Variants in CCDC60 observed in about 807,000 individuals in gnomAD.
CCDC60 encodes the protein coiled-coil domain containing 60, also known as coiled-coil domain-containing protein 60.
CCDC60 carries 54 observed loss-of-function variants against 63.5 expected under a neutral mutation model. The ratio of observed to expected loss-of-function variants is 0.85; its 90% CI spans 0.68 to 1.07. The LOEUF (loss-of-function observed/expected upper bound fraction) is 1.07. CCDC60 is among the 50% of genes least tolerant of loss of function. The probability of loss-of-function intolerance (pLI) is 0.00; values close to 1 mark genes in which losing one functional copy is unlikely to be tolerated. For missense variants in CCDC60, 651 were observed against 684.3 expected (o/e 0.95, Z 0.54); for synonymous variants, 206 against 238.8 (o/e 0.86, Z 1.27).
At chr12:119,402,411 C>G (rs1180755046) in intron 1 of CCDC60, 2 of 152,194 alleles carry the variant, frequency 1.3e-5, no homozygotes, top group African/African-American at 4.8e-5. Flanking sequence ...TCCAGCTTCT[C>G]TGAGTCTTAG....
intron 1 of CCDC60, among the ~76,000 whole-genome samples, chr12:119,349,255 T>C (rs1201906076): frequency 1.3e-5 from 2 of 151,552 alleles, no homozygotes; most frequent in Non-Finnish European, 2.9e-5. Context: ...CTTTGGGGGA[T>C]AGAAAAAACA....
At chr12:119,527,097 G>A (rs1952698856) in intron 11 of CCDC60, among the ~76,000 whole-genome samples, 1 of 152,164 alleles carries the variant, frequency 6.6e-6, no homozygotes, top group Non-Finnish European at 1.5e-5. Flanking sequence ...AAAAGAATGA[G>A]ATCATGTATT....
At chr12:119,459,713 T>C (rs1166749568) in intron 2 of CCDC60, among the ~76,000 whole-genome samples, 1 of 152,180 alleles carries the variant, frequency 6.6e-6, no homozygotes, top group Non-Finnish European at 1.5e-5. Context: ...TCATCTGGTC[T>C]TGTGCCCCCC....
intron 8 of CCDC60, among the ~76,000 whole-genome samples, chr12:119,519,268 C>T (rs1035881447): frequency 7.2e-5 from 11 of 152,202 alleles, no homozygotes; most frequent in Admixed American, 1.3e-4. Context: ...TCTGAAAATA[C>T]AGCTTTTCTT....
intron 1 of CCDC60, among the ~76,000 whole-genome samples, chr12:119,376,592 C>T (rs1189641763): frequency 6.6e-6 from 1 of 152,120 alleles, no homozygotes; most frequent in African/African-American, 2.4e-5. Flanking sequence ...TGAGTCACAG[C>T]ACTCCAGGCT....
At chr12:119,352,899 C>T (rs1027742320) in intron 1 of CCDC60, among the ~76,000 whole-genome samples, 9 of 152,058 alleles carry the variant, frequency 5.9e-5, no homozygotes, top group African/African-American at 2.2e-4. Context: ...AAGATTGTGC[C>T]ACTGTACTCC....
At chr12:119,526,203 T>G (rs1952671640) in intron 11 of CCDC60, among the ~76,000 whole-genome samples, 1 of 152,188 alleles carries the variant, frequency 6.6e-6, no homozygotes, top group African/African-American at 2.4e-5. Context: ...GATAACTGGC[T>G]AGCCATATGC....
intron 3 of CCDC60, among the ~76,000 whole-genome samples, chr12:119,476,819 C>T (rs1354352516): frequency 3.9e-5 from 6 of 152,154 alleles, no homozygotes; most frequent in Admixed American, 6.5e-5. Context: ...ATGACATGGC[C>T]TCCTCTACAG....
chr12:119,480,746 T>A (rs1395695864), intron 4 of CCDC60, among the ~76,000 whole-genome samples: 1 of 144,852 alleles, frequency 6.9e-6, no homozygotes, highest in African/African-American at 2.6e-5. Context: ...ATCATCACCA[T>A]CATCCTCACC....
chr12:119,390,427 C>T (rs1956136400), intron 1 of CCDC60, among the ~76,000 whole-genome samples: 1 of 152,354 alleles, frequency 6.6e-6, no homozygotes, highest in South Asian at 2.1e-4. Flanking sequence ...CCATTCTATA[C>T]ATCACATCTC....
chr12:119,346,455 A>G (rs765191959), intron 1 of CCDC60, among the ~76,000 whole-genome samples: 2 of 152,264 alleles, frequency 1.3e-5, no homozygotes, highest in Non-Finnish European at 2.9e-5. Context: ...GAACCAAGTA[A>G]CTACAGAAAG....
At chr12:119,408,600 G>T (rs961313820) in intron 1 of CCDC60, among the ~76,000 whole-genome samples, 1 of 152,190 alleles carries the variant, frequency 6.6e-6, no homozygotes, top group Non-Finnish European at 1.5e-5. Flanking sequence ...GAGGTGGGTG[G>T]ATCACGAGGT....
At position 119,488,797 on chromosome 12, in the gene CCDC60, T is replaced by A. The variant is rs151129221; in HGVS notation, c.488T>A (p.Leu163His). ...LFRQLCALHW[L>H]LEALTIDHTH... ...CGCCAGCTCTGTGCTCTCCACTGGC[T>A]TCTGGAGGCCCTGACTATTGACCAC... The change falls in exon 5 of 14, where the codon CTT becomes CAT. Residue 163 changes from leucine (L) to histidine (H), a missense_variant. Leu to His is a moderately conservative substitution (Grantham distance 99). Transcript: ENST00000327554. The A allele has an allele frequency of 3.7e-5, 59 of 1,614,212 alleles. No individual in the cohort carries two copies. In the African/African-American group the frequency reaches 7.7e-4, roughly 21 times the overall value.
In CCDC60 at chr12:119,505,314, C is replaced by T. The variant is rs1445466873; in HGVS notation, c.883+11C>T. 2 of 1,568,738 alleles carry T rather than the reference C, an allele frequency of 1.3e-6. No homozygotes were observed. Among genetic ancestry groups the T allele is most frequent in the Non-Finnish European group, 1.7e-6 (2 of 1,148,116 alleles). On this transcript the variant is annotated intron_variant, in intron 7 of 13. Coordinates refer to ENST00000327554, the MANE Select transcript of CCDC60 (RefSeq NM_178499.5). Reference sequence around the variant, plus strand: ...AACCTCTGTATATGAGTAAGTCCTACCTGAGATCTGACTCATCTACCCTGA... The same window carrying T: ...AACCTCTGTATATGAGTAAGTCCTATCTGAGATCTGACTCATCTACCCTGA...
intron 2 of CCDC60, among the ~76,000 whole-genome samples, chr12:119,440,899 G>A (rs1429301139): frequency 6.6e-6 from 1 of 152,214 alleles, no homozygotes; most frequent in Non-Finnish European, 1.5e-5. Flanking sequence ...AGGCTGTGAT[G>A]AGGATTAAAT....
intron 1 of CCDC60, among the ~76,000 whole-genome samples, chr12:119,347,600 T>G (rs1482481450): frequency 6.6e-6 from 1 of 152,168 alleles, no homozygotes; most frequent in East Asian, 1.9e-4. Context: ...CAAGGGTAGC[T>G]CCACATAGTG....
chr12:119,407,878 A>G (rs547978172), intron 1 of CCDC60, among the ~76,000 whole-genome samples: 6 of 152,316 alleles, frequency 3.9e-5, no homozygotes, highest in African/African-American at 1.4e-4. Flanking sequence ...CAATACTACA[A>G]TCTACTGTCT....
chr12:119,364,323 T>C (rs1352713803), intron 1 of CCDC60, among the ~76,000 whole-genome samples: 3 of 152,194 alleles, frequency 2.0e-5, no homozygotes, highest in Non-Finnish European at 4.4e-5. Flanking sequence ...AATCAAGATA[T>C]AGAGCATTTT....
intron 7 of CCDC60, among the ~76,000 whole-genome samples, chr12:119,512,850 T>C (rs184018969): frequency 6.6e-6 from 1 of 152,380 alleles, no homozygotes; most frequent in Non-Finnish European, 1.5e-5. Context: ...TAGTTGGCTG[T>C]CATAGTTTTC....
Sources: gnomAD v4.1 joint callset for allele counts (sites outside exome capture counted in the v4.1 genomes callset) on GRCh38, gnomAD v4.1.1 for gene constraint, MANE v1.5 for transcripts, NCBI Gene and HGNC (gene_info 2026-07-23, HGNC 2026-07-21) for gene names.